The following TRIM72 variants were observed in gnomAD, a reference collection of about 807,000 sequenced individuals.
The protein encoded by TRIM72 is tripartite motif-containing protein 72.
A neutral mutation model predicts 31.6 loss-of-function variants in TRIM72; 33 were observed. The observed-to-expected ratio is 1.04, with a 90% CI of 0.79 to 1.40. The LOEUF is 1.40. Ranked by LOEUF, TRIM72 falls within the 40% of genes most tolerant of loss-of-function variation. TRIM72 has a pLI of 0.00. For synonymous variants in TRIM72, 301 were observed against 314.4 expected (o/e 0.96, Z 0.45); for missense variants, 666 against 682.7 (o/e 0.98, Z 0.27).
chr16:31,221,059 G>A (rs2079531200), intron 5 of TRIM72, 141 bp downstream of exon 5: 2 of 1,110,558 alleles, frequency 1.8e-6, no homozygotes, highest in Non-Finnish European at 2.7e-6. Context: ...ACACAAGGTT[G>A]TAGACAGAAA....
At chr16:31,220,720 C>G (rs558004228) in intron 4 of TRIM72, among the ~76,000 whole-genome samples, 176 bp from the exon 5 acceptor site, 57 of 152,144 alleles carry the variant, frequency 3.7e-4, no homozygotes, top group African/African-American at 1.3e-3. Context: ...ATCCACACAC[C>G]TTGGCCTCCC....
Position 31,216,769 on chromosome 16 carries a change from C to T in TRIM72, c.390+1641C>T. The stretch of plus-strand genomic sequence containing the variant: ...AGCTCAGAGTGGCCCTCACGCAGCC[C>T]GCTGCAGCCGTGCGGCCTCCTCCAA... On this transcript the variant is annotated intron_variant, in intron 2 of 6. Transcript: ENST00000322122. This position sits in a 1 kb window ranked among gnomAD's most constrained non-coding sequence, Gnocchi z 6.7. 1 of 1,601,666 alleles carries T rather than the reference C, an allele frequency of 6.2e-7. No homozygotes were observed. The highest frequency in any genetic ancestry group is 8.5e-7 in the Non-Finnish European group (1 of 1,171,106).
rs2079561995 is a variant in TRIM72 at position 31,228,874 on chromosome 16, G to C, written c.*4119G>C. 1.3e-5 allele frequency: 2 copies of C among 152,332 alleles called. No individual in the cohort carries two copies. The highest frequency in any genetic ancestry group is 2.1e-4 in the South Asian group (1 of 4,828). The allele number at this position is 152,332 out of a possible 1,614,324, so 9.4% of individuals were successfully genotyped here. ...GCTGGGATTACAGGCATGAGCTGTCGGGCCTGGCCCCTGCACTTCTTTTTT... is the reference window on the plus strand; with the variant it reads ...GCTGGGATTACAGGCATGAGCTGTCCGGCCTGGCCCCTGCACTTCTTTTTT... On this transcript the variant is annotated 3_prime_UTR_variant, in exon 7 of 7. Coordinates refer to ENST00000322122, the MANE Select transcript of TRIM72 (RefSeq NM_001008274.4).
At chr16:31,221,364 T>C (rs2079532522) in intron 5 of TRIM72, among the ~76,000 whole-genome samples, 1 of 132,514 alleles carries the variant, frequency 7.5e-6, no homozygotes, top group Non-Finnish European at 1.6e-5. Context: ...AGGGCATTGC[T>C]GGGAGAAGGG....
Position 31,224,615 on chromosome 16 carries a change from G to T in TRIM72, c.1294G>T (p.Ala432Ser). ...GVLSFYDASDADALVPLFAFH... is the reference protein window; with the variant it reads ...GVLSFYDASDSDALVPLFAFH... ...CCTCTCCTTCTACGATGCCAGCGAC[G>T]CCGACGCGCTCGTGCCGCTTTTTGC... is the stretch of plus-strand genomic sequence containing the variant. Residue 432 changes from alanine to serine, a missense_variant, in exon 7 of 7, where the codon GCC becomes TCC. Physicochemically the swap from Ala to Ser is moderately conservative, Grantham distance 99. Transcript: ENST00000322122. 3 of 1,552,490 alleles carry T rather than the reference G, an allele frequency of 1.9e-6. No individual in the cohort carries two copies. The highest frequency in any genetic ancestry group is 2.6e-6 in the Non-Finnish European group (3 of 1,154,904).
At chr16:31,218,269 G>C (rs1173090260) in intron 2 of TRIM72, among the ~76,000 whole-genome samples, 2 of 152,112 alleles carry the variant, frequency 1.3e-5, no homozygotes, top group African/African-American at 4.8e-5. Flanking sequence ...GGGGCTGGGG[G>C]TGTGGCGGTT....
At position 31,224,487 on chromosome 16, in the gene TRIM72, AG is replaced by A; in HGVS notation, c.1167del (p.Ile390SerfsTer28). The A allele has an allele frequency of 6.7e-7, 1 of 1,481,994 alleles. No homozygotes were observed. The highest frequency in any genetic ancestry group is 8.9e-7 in the Non-Finnish European group (1 of 1,126,264). 91.8% of individuals were successfully genotyped at this position (1,481,994 alleles called of 1,614,324 possible). A position where few individuals can be genotyped will look rare whatever the true frequency, so the allele number is the denominator to read the frequency against. On this transcript the variant is annotated frameshift_variant, in exon 7 of 7. Coordinates refer to ENST00000322122, the MANE Select transcript of TRIM72 (RefSeq NM_001008274.4). LOFTEE classifies it low-confidence loss of function (END_TRUNC). ...GLWLLGLREG[K>X]ILEAHVEAKE... ...TGGCTGCTGGGGCTGCGCGAGGGCA[AG>A]ATCCTGGAGGCACACGTGGAGGCCA...
chr16:31,226,045 C>T lies in TRIM72; in HGVS notation c.*1290C>T, dbSNP rs1335919224. 6.6e-6 allele frequency: 1 copy of T among 151,718 alleles called. No homozygotes were observed. The highest frequency in any genetic ancestry group is 1.5e-5 in the Non-Finnish European group (1 of 67,986). The allele number at this position is 151,718 out of a possible 1,614,324, so 9.4% of individuals were successfully genotyped here. ...TCTTGAACTCTTGGCCTCAGGTGAT[C>T]CTCCTGCCTTGGCCTTCCAAGTGCT... is the stretch of plus-strand genomic sequence containing the variant. On this transcript the variant is annotated 3_prime_UTR_variant, in exon 7 of 7. Transcript: ENST00000322122.
At position 31,219,252 on chromosome 16, in the gene TRIM72, A is replaced by G. The variant is rs1430004185; in HGVS notation, c.487-37A>G. ...GCCAGGCTAGGGGTCTCCAGCCAAG[A>G]GTCTTTATCCCTTCAATCACTGCCC... On this transcript the variant is annotated intron_variant, in intron 3 of 6. Coordinates refer to ENST00000322122, the MANE Select transcript of TRIM72 (RefSeq NM_001008274.4). The surrounding 1 kb of genome is among the most constrained non-coding windows in gnomAD (Gnocchi z 4.2). 6 of 1,614,000 alleles carry G rather than the reference A, an allele frequency of 3.7e-6. No individual in the cohort carries two copies. The highest frequency in any genetic ancestry group is 3.4e-6 in the Non-Finnish European group (4 of 1,179,968).
chr16:31,221,761 G>T (rs1596941687), intron 5 of TRIM72, among the ~76,000 whole-genome samples: 1 of 142,128 alleles, frequency 7.0e-6, no homozygotes, highest in Non-Finnish European at 1.5e-5. Flanking sequence ...GGGGAGAAGG[G>T]CATTGCTGGG....
chr16:31,227,242 C>A lies in TRIM72; in HGVS notation c.*2487C>A, dbSNP rs1372173101. 1 of 152,232 alleles carries A rather than the reference C, an allele frequency of 6.6e-6. No homozygotes were observed. The highest frequency in any genetic ancestry group is 1.5e-5 in the Non-Finnish European group (1 of 68,050). The allele number at this position is 152,232 out of a possible 1,614,324, so 9.4% of individuals were successfully genotyped here. ...ATTGCCCTCCAGCCTTTAATCCTGA[C>A]TTGGTAATGTTTCCAAAAATGCAAA... On this transcript the variant is annotated 3_prime_UTR_variant, in exon 7 of 7. Transcript: ENST00000322122.
chr16:31,224,120 T>C, intron 6 of TRIM72, 61 bp from the exon 7 acceptor site: 3 of 1,553,756 alleles, frequency 1.9e-6, no homozygotes, highest in Non-Finnish European at 2.6e-6. Context: ...CTGCAATTGG[T>C]TGGGAGAAGA....
chr16:31,217,513 T>A (rs1299584390), intron 2 of TRIM72, among the ~76,000 whole-genome samples: 301 of 120,036 alleles, frequency 2.5e-3, no homozygotes, highest in Admixed American at 5.3e-3. Context: ...AAAAAAAAAA[T>A]GGCTTTGGCA....
rs1197596195 is a variant in TRIM72, at chr16:31,231,131, C to G, written c.*6376C>G. On this transcript the variant is annotated 3_prime_UTR_variant, in exon 7 of 7. Transcript: ENST00000322122. ...CTCCGCCCTCTGGGTTCACGCCATTCTCCTGCCTCAGCCTCCCAAGTAGCT... is the reference window on the plus strand; with the variant it reads ...CTCCGCCCTCTGGGTTCACGCCATTGTCCTGCCTCAGCCTCCCAAGTAGCT... The G allele has an allele frequency of 6.6e-6, 1 of 152,038 alleles. No homozygotes were observed. Among genetic ancestry groups the G allele is most frequent in the Admixed American group, 6.6e-5 (1 of 15,248 alleles). 9.4% of individuals were successfully genotyped at this position (152,038 alleles called of 1,614,324 possible). A position where few individuals can be genotyped will look rare whatever the true frequency, so the allele number is the denominator to read the frequency against.
At chr16:31,223,870 C>T (rs1003048235) in intron 6 of TRIM72, among the ~76,000 whole-genome samples, 9 of 151,998 alleles carry the variant, frequency 5.9e-5, no homozygotes, top group Non-Finnish European at 7.4e-5. Flanking sequence ...GTTGCACCTG[C>T]GCTCCAGCCT....
intron 5 of TRIM72, among the ~76,000 whole-genome samples, chr16:31,221,147 C>G (rs1209683532): frequency 2.6e-5 from 4 of 152,174 alleles, no homozygotes; most frequent in Non-Finnish European, 4.4e-5. Context: ...ACACAGGCGT[C>G]ACTGTGTGCT....
chr16:31,224,663 C>A lies in TRIM72; in HGVS notation c.1342C>A (p.Pro448Thr). ...LFAFHERLPRPVYPFFDVCWH... is the reference protein window; with the variant it reads ...LFAFHERLPRTVYPFFDVCWH... ...TGCCTTCCACGAGCGCCTGCCCAGG[C>A]CCGTGTACCCCTTCTTCGACGTGTG... Residue 448 changes from proline to threonine, a missense_variant, in exon 7 of 7, where the codon CCC becomes ACC. Pro to Thr is a conservative substitution (Grantham distance 38, BLOSUM62 -1). Transcript: ENST00000322122. 6.5e-7 allele frequency: 1 copy of A among 1,548,414 alleles called. No homozygotes were observed. Among genetic ancestry groups the A allele is most frequent in the East Asian group, 2.4e-5 (1 of 41,444 alleles).
In TRIM72 at chr16:31,217,106, C is replaced by G. The variant is rs544084252; in HGVS notation, c.390+1978C>G. ...CCTTTCCTGCAGCAGGTGGAGCTGC[C>G]GCCCCCGGGGATGTCCCGGGAAGGA... is the stretch of plus-strand genomic sequence containing the variant. On this transcript the variant is annotated intron_variant, in intron 2 of 6. Coordinates refer to ENST00000322122, the MANE Select transcript of TRIM72 (RefSeq NM_001008274.4). 7 of 1,441,474 alleles carry G rather than the reference C, an allele frequency of 4.9e-6. No homozygotes were observed. The African/African-American group carries it at 8.5e-5, about 17-fold the overall frequency. The allele number at this position is 1,441,474 out of a possible 1,614,324, so 89.3% of individuals were successfully genotyped here.
Position 31,219,284 on chromosome 16 carries a change from T to C in TRIM72, c.487-5T>C. The C allele has an allele frequency of 6.2e-7, 1 of 1,614,132 alleles. No individual in the cohort carries two copies. Among genetic ancestry groups the C allele is most frequent in the Non-Finnish European group, 8.5e-7 (1 of 1,180,030 alleles). On this transcript the variant is annotated splice_polypyrimidine_tract_variant and splice_region_variant and intron_variant, in intron 3 of 6. Coordinates refer to ENST00000322122, the MANE Select transcript of TRIM72 (RefSeq NM_001008274.4). This position sits in a 1 kb window ranked among gnomAD's most constrained non-coding sequence, Gnocchi z 4.2. ...ATCCCTTCAATCACTGCCCCATCCC[T>C]GCAGGAGACAGTGCGTCAGTTCCGG...
Sources: allele counts gnomAD v4.1 joint callset (sites outside exome capture counted in the v4.1 genomes callset), GRCh38; gene constraint gnomAD v4.1.1; non-coding constraint Gnocchi (gnomAD v3.1); transcripts MANE v1.5; gene names NCBI Gene and HGNC (gene_info 2026-07-23, HGNC 2026-07-21).